The following AGRN variants were observed in gnomAD, a reference collection of about 807,000 sequenced individuals.
The protein encoded by AGRN is agrin, also known as agrin proteoglycan.
AGRN carries 106 observed loss-of-function variants against 211.0 expected under a neutral mutation model. The ratio of observed to expected loss-of-function variants is 0.50; its 90% CI spans 0.43 to 0.59. The LOEUF is 0.59. Ranked by LOEUF, AGRN falls within the 20% of genes least tolerant of loss-of-function variation. The pLI, the probability that AGRN is intolerant of heterozygous loss-of-function variation, is 0.00. For synonymous variants in AGRN, 1,525 were observed against 1,332.5 expected (o/e 1.14, Z -3.15); for missense variants, 3,040 against 2,982.6 (o/e 1.02, Z -0.45).
rs753787358 is a variant in AGRN at position 1,047,765 on chromosome 1, C to T, written c.3632-11C>T. 2 of 1,608,862 alleles carry T rather than the reference C, an allele frequency of 1.2e-6. No homozygotes were observed. Among genetic ancestry groups the T allele is most frequent in the Non-Finnish European group, 8.5e-7 (1 of 1,178,360 alleles). ...GGGGCTCTGCCATGCTCAGAGCTCCCTCCTCCCCAGCCACAGCCTTCAGGG... is the reference window on the plus strand; with the variant it reads ...GGGGCTCTGCCATGCTCAGAGCTCCTTCCTCCCCAGCCACAGCCTTCAGGG... On this transcript the variant is annotated splice_polypyrimidine_tract_variant and intron_variant, in intron 21 of 35. Transcript: ENST00000379370.
At chr1:1,033,191 A>C (rs1644711166) in intron 2 of AGRN, among the ~76,000 whole-genome samples, 1 of 151,570 alleles carries the variant, frequency 6.6e-6, no homozygotes, top group Non-Finnish European at 1.5e-5. Context: ...CCCGCGCGGG[A>C]GTCGGGGGCG....
At position 1,022,276 on chromosome 1, in the gene AGRN, G is replaced by T. The variant is rs1212567531; in HGVS notation, c.277G>T (p.Val93Leu). The T allele has an allele frequency of 2.5e-6, 4 of 1,613,296 alleles. No homozygotes were observed. The highest frequency in any genetic ancestry group is 1.6e-4 in the Middle Eastern group (1 of 6,062). Residue 93 changes from valine to leucine, a missense_variant, in exon 2 of 36, where the codon GTG (valine) becomes TTG (leucine). Coordinates refer to ENST00000379370, the MANE Select transcript of AGRN (RefSeq NM_198576.4). ...CCTGCTGGACGGCGGCAACAAGGTG[G>T]TGATCAGCGGCTTTGGAGACCCCCT... is the stretch of plus-strand genomic sequence containing the variant. ...ESLLDGGNKV[V>L]ISGFGDPLIC...
Position 1,031,160 on chromosome 1 carries a change from TTG to T in AGRN, c.464-4108_464-4107del, listed in dbSNP as rs1388842183. Among the ~76,000 whole-genome samples the T allele has an allele frequency of 3.6e-5, 3 of 83,298 alleles. No homozygotes were observed. Among genetic ancestry groups the T allele is most frequent in the East Asian group, 3.8e-4 (1 of 2,642 alleles). The allele number at this position is 83,298 out of a possible 152,430, so 54.6% of individuals were successfully genotyped here. A position where few individuals can be genotyped will look rare whatever the true frequency, so the allele number is the denominator to read the frequency against. On this transcript the variant is annotated intron_variant, in intron 2 of 35. Transcript: ENST00000379370. The surrounding 1 kb of genome is among the most constrained non-coding windows in gnomAD (Gnocchi z 4.8). ...GTGCAGTGCATGGTGCTGTGTGAGA[TTG>T]TGTGTGTGCAGTGCATGGTGCTGAG...
chr1:1,053,294 CA>C (rs1570257089), intron 33 of AGRN: 2 of 473,546 alleles, frequency 4.2e-6, no homozygotes, highest in East Asian at 1.5e-4. Context: ...TCCGCACAAG[CA>C]TGTGTAGGTG....
chr1:1,045,020 C>T (rs989173516), intron 12 of AGRN, 141 bp from the exon 13 acceptor site: 2 of 858,900 alleles, frequency 2.3e-6, no homozygotes, highest in African/African-American at 3.4e-5. Context: ...GTGTCCTCAG[C>T]CCCAGGCTCC....
chr1:1,038,224 T>C (rs533030022), intron 3 of AGRN, among the ~76,000 whole-genome samples: 1 of 152,286 alleles, frequency 6.6e-6, no homozygotes, highest in East Asian at 1.9e-4. Flanking sequence ...GCGGACTCTC[T>C]GAGGCCCTGG....
chr1:1,041,924 C>T (rs768645218), intron 6 of AGRN, 32 bp from the exon 7 acceptor site: 85 of 1,608,636 alleles, frequency 5.3e-5, no homozygotes, highest in Non-Finnish European at 7.0e-5. Context: ...GTGCTCCAGC[C>T]TCTCCGTGAC....
intron 2 of AGRN, among the ~76,000 whole-genome samples, chr1:1,033,134 G>A (rs920530512): frequency 6.6e-6 from 1 of 151,926 alleles, no homozygotes; most frequent in Admixed American, 6.5e-5. Flanking sequence ...CGGACCCGCA[G>A]GGAGTCCCCG....
chr1:1,041,443 GCGACAGCGTCCTGACTCC>G lies in AGRN; in HGVS notation c.953-34_953-17del. 1 of 1,560,808 alleles carries G rather than the reference GCGACAGCGTCCTGACTCC, an allele frequency of 6.4e-7. No individual in the cohort carries two copies. Among genetic ancestry groups the G allele is most frequent in the East Asian group, 2.4e-5 (1 of 42,436 alleles). ...ACGGCTCGAGCTCTGTGGGCGCGCGGCGACAGCGTCCTGACTCCTGCCCTCGACCCCCAGACCCCTGTC... is the reference window on the plus strand; with the variant it reads ...ACGGCTCGAGCTCTGTGGGCGCGCGGTGCCCTCGACCCCCAGACCCCTGTC... On this transcript the variant is annotated splice_polypyrimidine_tract_variant and intron_variant, in intron 5 of 35. Transcript: ENST00000379370.
chr1:1,027,877 A>G (rs1644553628), intron 2 of AGRN, among the ~76,000 whole-genome samples: 1 of 152,098 alleles, frequency 6.6e-6, no homozygotes, highest in African/African-American at 2.4e-5. Flanking sequence ...GCCCTAGGAG[A>G]AGCAAGCCCC....
rs1257011342 is a variant in AGRN at position 1,051,522 on chromosome 1, G to T, written c.5440G>T (p.Ala1814Ser). Residue 1814 changes from alanine to serine, a missense_variant, in exon 32 of 36, where the codon GCA becomes TCA. By Grantham distance (99) the Ala-to-Ser change is moderately conservative. This residue lies in a region of AGRN where 1,537 missense variants were observed against 1,505.0 expected (regional missense o/e 1.02). Coordinates refer to ENST00000379370, the MANE Select transcript of AGRN (RefSeq NM_198576.4). ...GCGGCAGGTGGACGTCACGTCCTTTGCAGGTCACCCCTGCACCCGGGCCTC... is the reference window on the plus strand; with the variant it reads ...GCGGCAGGTGGACGTCACGTCCTTTTCAGGTCACCCCTGCACCCGGGCCTC... Reference protein sequence around the residue: ...VLRQVDVTSFAGHPCTRASGH... With the variant: ...VLRQVDVTSFSGHPCTRASGH... 1 of 1,568,652 alleles carries T rather than the reference G, an allele frequency of 6.4e-7. No individual in the cohort carries two copies. The highest frequency in any genetic ancestry group is 1.8e-5 in the Admixed American group (1 of 55,780).
At chr1:1,025,204 G>C (rs1047915320) in intron 2 of AGRN, among the ~76,000 whole-genome samples, 3 of 152,038 alleles carry the variant, frequency 2.0e-5, no homozygotes, top group Non-Finnish European at 2.9e-5. Context: ...CAGGGGGCCA[G>C]GGTCAGAGTG....
In AGRN at chr1:1,051,733, G is replaced by T; in HGVS notation, c.5569G>T (p.Val1857Leu). 6.2e-7 allele frequency: 1 copy of T among 1,613,814 alleles called. No homozygotes were observed. The highest frequency in any genetic ancestry group is 1.1e-5 in the South Asian group (1 of 91,086). The part of the protein sequence containing the change: ...FSGPHCEKGL[V>L]EKSAGDVDTL... ...CTCACCTGCCTATCTCACAGGGCTG[G>T]TGGAGAAGTCAGCGGGGGACGTGGA... Residue 1857 changes from valine to leucine, a missense_variant, in exon 33 of 36, where the codon GTG becomes TTG. Transcript: ENST00000379370.
rs1173382566 is a variant in AGRN, at chr1:1,051,804, T to C, written c.5640T>C (p.Ala1880=). 2 of 1,613,574 alleles carry C rather than the reference T, an allele frequency of 1.2e-6. No homozygotes were observed. The highest frequency in any genetic ancestry group is 1.3e-5 in the African/African-American group (1 of 74,936). Reference sequence around the variant, plus strand: ...GGACCTTTGTCGAGTACCTCAACGCTGTGACCGAGAGGTAACGTGCCATCC... The same window carrying C: ...GGACCTTTGTCGAGTACCTCAACGCCGTGACCGAGAGGTAACGTGCCATCC... ...DGRTFVEYLN[A]VTESEKALQS... is the part of the protein sequence containing the mutation. Residue 1880 remains alanine (A), a synonymous_variant, in exon 33 of 36, where the codon GCT becomes GCC. Coordinates refer to ENST00000379370, the MANE Select transcript of AGRN (RefSeq NM_198576.4).
At chr1:1,054,690 C>T (rs1182524450) in intron 35 of AGRN, 134 bp from the exon 36 acceptor site, 1 of 1,479,906 alleles carries the variant, frequency 6.8e-7, no homozygotes, top group African/African-American at 1.4e-5. Flanking sequence ...CCGCTGTAGC[C>T]CCTGCAGTTC....
At position 1,047,692 on chromosome 1, in the gene AGRN, G is replaced by T; in HGVS notation, c.3631+5G>T. 1.2e-6 allele frequency: 2 copies of T among 1,613,050 alleles called. No homozygotes were observed. The highest frequency in any genetic ancestry group is 1.7e-6 in the Non-Finnish European group (2 of 1,180,010). ...TGGATGTGCACTTTGACCCCAGTGA[G>T]ACCTGCACCCTGGACCCTTCCTGGG... On this transcript the variant is annotated splice_donor_5th_base_variant and intron_variant, in intron 21 of 35. Coordinates refer to ENST00000379370, the MANE Select transcript of AGRN (RefSeq NM_198576.4).
intron 12 of AGRN, 31 bp downstream of exon 12, chr1:1,044,470 C>G (rs772233298): frequency 1.9e-6 from 3 of 1,581,352 alleles, no homozygotes; most frequent in South Asian, 1.1e-5. Context: ...GTCTCAGGCA[C>G]AGGCGGGGCG....
chr1:1,053,478 C>A, intron 33 of AGRN: 1 of 1,499,066 alleles, frequency 6.7e-7, no homozygotes. Context: ...ACTCTGGATT[C>A]CGGGGCCCTT....
At position 1,042,116 on chromosome 1, in the gene AGRN, G is replaced by T; in HGVS notation, c.1338G>T (p.Glu446Asp). The T allele has an allele frequency of 6.2e-7, 1 of 1,601,706 alleles. No individual in the cohort carries two copies. ...GTGATTGCTGGCGGCAGCAGGCTGA[G>T]TGCCGGCAGCAGCGTGCCATCCCCA... ...YDSDCWRQQAECRQQRAIPSK... is the reference protein window; with the variant it reads ...YDSDCWRQQADCRQQRAIPSK... Residue 446 changes from glutamate (E) to aspartate (D), a missense_variant, in exon 7 of 36, where the codon GAG (glutamate) becomes GAT (aspartate). Around this residue, in one of 3 missense-constraint regions of AGRN, gnomAD observed 1,498 missense variants for 1,457.8 expected, o/e 1.03. Coordinates refer to ENST00000379370, the MANE Select transcript of AGRN (RefSeq NM_198576.4).
Sources: gnomAD v4.1 joint callset for allele counts (sites outside exome capture counted in the v4.1 genomes callset) on GRCh38, gnomAD v4.1.1 for gene constraint, gnomAD v4.1.1 regional missense constraint, Gnocchi (gnomAD v3.1) non-coding constraint, MANE v1.5 for transcripts, NCBI Gene and HGNC (gene_info 2026-07-23, HGNC 2026-07-21) for gene names.